Variants in STYXL1 observed in about 807,000 individuals in gnomAD.
STYXL1 encodes the protein serine/threonine/tyrosine interacting like 1.
A neutral mutation model predicts 36.4 loss-of-function variants in STYXL1; 32 were observed. The ratio of observed to expected loss-of-function variants is 0.88; its 90% CI spans 0.66 to 1.18. STYXL1 has a LOEUF of 1.18. Among genes scored for constraint, STYXL1 ranks in the 50% most tolerant of loss-of-function variants. The pLI is 0.00. For synonymous variants in STYXL1, 133 were observed against 144.1 expected (o/e 0.92, Z 0.55); for missense variants, 354 against 394.1 (o/e 0.90, Z 0.86).
intron 4 of STYXL1, among the ~76,000 whole-genome samples, chr7:76,015,483 C>T (rs941784087): frequency 6.0e-4 from 92 of 152,282 alleles, no homozygotes; most frequent in African/African-American, 2.2e-3. Flanking sequence ...TGGCTAAGTC[C>T]TCCAAAGCAA....
chr7:76,006,771 A>G (rs1554570532), intron 5 of STYXL1, among the ~76,000 whole-genome samples: 1 of 151,796 alleles, frequency 6.6e-6, no homozygotes, highest in Non-Finnish European at 1.5e-5. Flanking sequence ...CTCAAAAAAA[A>G]AAAAAAAAAA....
intron 8 of STYXL1, among the ~76,000 whole-genome samples, chr7:75,997,046 G>A (rs1194828314): frequency 6.6e-6 from 1 of 152,224 alleles, no homozygotes; most frequent in Non-Finnish European, 1.5e-5. Flanking sequence ...TACAGGAAGT[G>A]TTGCTGCATG....
At chr7:76,008,006 C>T (rs1418828952) in intron 5 of STYXL1, among the ~76,000 whole-genome samples, 1 of 151,508 alleles carries the variant, frequency 6.6e-6, no homozygotes, top group Non-Finnish European at 1.5e-5. Flanking sequence ...TGAGACCAGC[C>T]TGACCAACAT....
At chr7:75,997,517 A>C (rs1167952104) in intron 8 of STYXL1, among the ~76,000 whole-genome samples, 4 of 152,336 alleles carry the variant, frequency 2.6e-5, no homozygotes, top group African/African-American at 7.2e-5. Context: ...CTCAATGGCG[A>C]AAGATAAAGT....
At position 76,046,339 on chromosome 7, in the gene STYXL1, T is replaced by TGC. The variant is rs60118008; in HGVS notation, c.-5+1321_-5+1322dup. Among the ~76,000 whole-genome samples, 151 of 44,854 alleles carry TGC rather than the reference T, an allele frequency of 3.4e-3. 2 individuals carry two copies. The highest frequency in any genetic ancestry group is 7.2e-3 in the African/African-American group (99 of 13,692). 29.4% of individuals were successfully genotyped at this position (44,854 alleles called of 152,430 possible). A position where few individuals can be genotyped will look rare whatever the true frequency, so the allele number is the denominator to read the frequency against. On this transcript the variant is annotated intron_variant, in intron 1 of 8. Transcript: ENST00000359697. Reference sequence around the variant, plus strand: ...GTGTGTGTGTGTGTGTGTGTGTGTGTGCGCGCGCGCGCGCGCGCGCTTTTG... The same window carrying TGC: ...GTGTGTGTGTGTGTGTGTGTGTGTGTGCGCGCGCGCGCGCGCGCGCGCTTTTG...
Position 76,028,845 on chromosome 7 carries a change from C to T in STYXL1, c.104-142G>A, listed in dbSNP as rs550442690. Reference sequence around the variant, plus strand: ...TCAGTTTAAAACTTGAGATGTGGGGCTGGGCGCGGTGGCATGCACCTGTAA... The same window carrying T: ...TCAGTTTAAAACTTGAGATGTGGGGTTGGGCGCGGTGGCATGCACCTGTAA... On this transcript the variant is annotated intron_variant, in intron 2 of 8. Transcript: ENST00000359697. The T allele has an allele frequency of 4.6e-4, 350 of 766,576 alleles. 3 individuals carry two copies. The highest frequency in any genetic ancestry group is 1.4e-4 in the Non-Finnish European group (65 of 451,880). 47.5% of individuals were successfully genotyped at this position (766,576 alleles called of 1,614,324 possible).
intron 1 of STYXL1, among the ~76,000 whole-genome samples, chr7:76,042,776 C>G (rs887652314): frequency 1.1e-4 from 17 of 152,170 alleles, no homozygotes; most frequent in Non-Finnish European, 2.2e-4. Flanking sequence ...CCTAATCTCT[C>G]TTGTTCTCCT....
At chr7:76,030,278 C>T (rs782611382) in intron 2 of STYXL1, 143 bp downstream of exon 2, 56 of 633,398 alleles carry the variant, frequency 8.8e-5, no homozygotes, top group African/African-American at 2.4e-4. Context: ...GGATTACAGG[C>T]GTGTGCCACC....
chr7:76,035,094 C>T (rs911736804), intron 1 of STYXL1, among the ~76,000 whole-genome samples: 7 of 147,226 alleles, frequency 4.8e-5, no homozygotes, highest in Non-Finnish European at 1.1e-4. Context: ...TGCTTGGGCC[C>T]GATGACCTCA....
At chr7:76,032,535 C>T (rs1554579683) in intron 1 of STYXL1, among the ~76,000 whole-genome samples, 1 of 151,758 alleles carries the variant, frequency 6.6e-6, no homozygotes, top group Middle Eastern at 3.2e-3. Context: ...AACTCCGTCT[C>T]TACTAAAAAT....
intron 8 of STYXL1, among the ~76,000 whole-genome samples, chr7:75,996,882 C>A (rs1486163617): frequency 2.6e-5 from 4 of 152,232 alleles, no homozygotes; most frequent in African/African-American, 9.6e-5. Context: ...CATGAAACCA[C>A]CTGTGGATGG....
At chr7:76,001,937 GC>G in intron 7 of STYXL1, among the ~76,000 whole-genome samples, 1 of 150,950 alleles carries the variant, frequency 6.6e-6, no homozygotes, top group South Asian at 2.1e-4. Context: ...ACTGTGCCCA[GC>G]CTATTTTTAT....
At chr7:76,005,720 T>C (rs2116803047) in intron 5 of STYXL1, among the ~76,000 whole-genome samples, 1 of 152,042 alleles carries the variant, frequency 6.6e-6, no homozygotes, top group South Asian at 2.1e-4. Context: ...GGCCCAGAAC[T>C]GTAACAACCC....
intron 1 of STYXL1, among the ~76,000 whole-genome samples, chr7:76,032,703 A>C (rs188583295): frequency 5.9e-5 from 9 of 152,234 alleles, no homozygotes; most frequent in East Asian, 1.9e-4. Context: ...TTGTCTCAAA[A>C]AAACAAACAA....
intron 4 of STYXL1, among the ~76,000 whole-genome samples, chr7:76,015,204 C>T (rs1006376109): frequency 2.4e-4 from 37 of 152,130 alleles, no homozygotes; most frequent in African/African-American, 8.7e-4. Flanking sequence ...GAGCAATGGT[C>T]GTGCCACTGC....
intron 1 of STYXL1, among the ~76,000 whole-genome samples, chr7:76,043,787 T>A (rs1050357713): frequency 1.3e-5 from 2 of 152,110 alleles, no homozygotes; most frequent in Non-Finnish European, 2.9e-5. Context: ...GGAAACAAAA[T>A]AAACAGAAGT....
intron 4 of STYXL1, among the ~76,000 whole-genome samples, chr7:76,014,737 G>A (rs1040031198): frequency 3.3e-5 from 5 of 151,788 alleles, no homozygotes; most frequent in East Asian, 1.9e-4. Flanking sequence ...CTGCCAGCTC[G>A]TTAACCACTC....
chr7:76,025,320 T>TA (rs113891143), intron 3 of STYXL1, among the ~76,000 whole-genome samples: 6,610 of 144,742 alleles, frequency 0.046, 186 homozygotes, highest in Middle Eastern at 0.079. Context: ...AAATAAAAAT[T>TA]AAAAAAAAAA....
At position 76,003,848 on chromosome 7, in the gene STYXL1, C is replaced by T; in HGVS notation, c.607G>A (p.Gly203Ser). The T allele has an allele frequency of 6.2e-7, 1 of 1,614,150 alleles. No individual in the cohort carries two copies. Among genetic ancestry groups the T allele is most frequent in the Non-Finnish European group, 8.5e-7 (1 of 1,180,026 alleles). ...ATGTGCAGAAGCTTGTCAGCATCGC[C>T]TGCAAAACTACACGGAAGGACCACA... Reference protein sequence around the residue: ...VSMDTGPFFAGDADKLLHIRI... With the variant: ...VSMDTGPFFASDADKLLHIRI... Residue 203 changes from glycine (G) to serine (S), a missense_variant, in exon 7 of 9, where the codon GGC (glycine) becomes AGC (serine). Coordinates refer to ENST00000359697, the MANE Select transcript of STYXL1 (RefSeq NM_001317785.2).
Sources: allele counts gnomAD v4.1 joint callset (sites outside exome capture counted in the v4.1 genomes callset), GRCh38; gene constraint gnomAD v4.1.1; transcripts MANE v1.5; gene names NCBI Gene and HGNC (gene_info 2026-07-23, HGNC 2026-07-21).